SIPA1L1: variants seen among roughly 807,000 people sequenced by gnomAD.
SIPA1L1 encodes the protein signal-induced proliferation-associated 1-like protein 1.
Under a neutral mutation model 162.7 loss-of-function variants are expected in SIPA1L1, and 26 were observed. That is an observed-to-expected ratio of 0.16 (90% confidence interval 0.12 to 0.22). The LOEUF (loss-of-function observed/expected upper bound fraction) is 0.22, where lower values mean the gene tolerates loss of function less well. SIPA1L1 is among the 10% of genes least tolerant of loss of function. SIPA1L1 has a pLI of 1.00. For missense variants in SIPA1L1, 1,874 were observed against 2,241.0 expected (o/e 0.84, Z 3.31); for synonymous variants, 829 against 837.4 (o/e 0.99, Z 0.17).
intron 2 of SIPA1L1, among the ~76,000 whole-genome samples, chr14:71,512,385 G>C (rs1300838968): frequency 6.6e-6 from 1 of 151,964 alleles, no homozygotes; most frequent in South Asian, 2.1e-4. Flanking sequence ...TCAGGAGATC[G>C]AGACCATCCT....
intron 2 of SIPA1L1, among the ~76,000 whole-genome samples, chr14:71,432,833 G>A (rs981367797): frequency 9.2e-5 from 14 of 152,180 alleles, no homozygotes; most frequent in African/African-American, 3.4e-4. Flanking sequence ...ATTCATTTGC[G>A]AACTGCTTTT....
At chr14:71,506,806 A>G (rs927527141) in intron 2 of SIPA1L1, among the ~76,000 whole-genome samples, 1 of 146,414 alleles carries the variant, frequency 6.8e-6, no homozygotes, top group Non-Finnish European at 1.5e-5. Context: ...ACATTTATCT[A>G]TTTTGTAATC....
chr14:71,610,634 T>G (rs1056090001), intron 5 of SIPA1L1, among the ~76,000 whole-genome samples: 1 of 152,192 alleles, frequency 6.6e-6, no homozygotes, highest in African/African-American at 2.4e-5. Context: ...TCATCCTCTC[T>G]TTATTTAAAA....
At chr14:71,385,686 C>CTTTT (rs532140419) in intron 2 of SIPA1L1, among the ~76,000 whole-genome samples, 1 of 112,412 alleles carries the variant, frequency 8.9e-6, no homozygotes, top group Non-Finnish European at 1.8e-5. Flanking sequence ...TTTGTACATT[C>CTTTT]TTTTTTTTTT....
intron 2 of SIPA1L1, among the ~76,000 whole-genome samples, chr14:71,408,557 G>C (rs1393155812): frequency 2.0e-5 from 3 of 152,142 alleles, no homozygotes; most frequent in Non-Finnish European, 1.5e-5. Flanking sequence ...GGGGACTCTC[G>C]CTCGAGGATT....
chr14:71,685,054 C>G (rs970477353), intron 12 of SIPA1L1, among the ~76,000 whole-genome samples: 3 of 152,170 alleles, frequency 2.0e-5, no homozygotes, highest in African/African-American at 7.2e-5. Flanking sequence ...GTCCTGGTGG[C>G]CTTTCCTCCT....
chr14:71,680,751 C>G (rs2045723241), intron 12 of SIPA1L1, among the ~76,000 whole-genome samples: 1 of 152,198 alleles, frequency 6.6e-6, no homozygotes, highest in South Asian at 2.1e-4. Flanking sequence ...GGGGATATCA[C>G]CACCGATCCC....
chr14:71,477,538 G>C (rs560414507), intron 2 of SIPA1L1, among the ~76,000 whole-genome samples: 1 of 152,032 alleles, frequency 6.6e-6, no homozygotes, highest in South Asian at 2.1e-4. Flanking sequence ...ATGGCGTCTC[G>C]CCGTGTTGCC....
chr14:71,378,782 A>G (rs533517020), intron 2 of SIPA1L1, among the ~76,000 whole-genome samples: 1 of 151,664 alleles, frequency 6.6e-6, no homozygotes, highest in Admixed American at 6.6e-5. Context: ...TTGTTGCTTC[A>G]TTTATTTTGA....
intron 7 of SIPA1L1, among the ~76,000 whole-genome samples, chr14:71,635,432 CAT>C (rs2041037752): frequency 6.6e-6 from 1 of 152,128 alleles, no homozygotes; most frequent in Admixed American, 6.5e-5. Context: ...GCTTTTCAAA[CAT>C]ATGTACAAGA....
intron 2 of SIPA1L1, among the ~76,000 whole-genome samples, chr14:71,345,333 TTTCCTATA>T (rs778634794): frequency 5.9e-4 from 90 of 152,296 alleles, no homozygotes; most frequent in Non-Finnish European, 1.1e-3. Context: ...TTGTTGACGC[TTTCCTATA>T]TGCAGTGCAC....
chr14:71,497,172 AAAAC>A (rs1324411789), intron 2 of SIPA1L1, among the ~76,000 whole-genome samples: 1 of 149,368 alleles, frequency 6.7e-6, no homozygotes, highest in Non-Finnish European at 1.5e-5. Flanking sequence ...TCCATCTCAA[AAAAC>A]AAACAAACAA....
chr14:71,372,187 C>T (rs2038952435), intron 2 of SIPA1L1, among the ~76,000 whole-genome samples: 1 of 152,126 alleles, frequency 6.6e-6, no homozygotes, highest in African/African-American at 2.4e-5. Context: ...GGCTCACCTT[C>T]CTGTGTAGAC....
intron 2 of SIPA1L1, among the ~76,000 whole-genome samples, chr14:71,358,824 AAG>A (rs1279261647): frequency 6.6e-6 from 1 of 152,182 alleles, no homozygotes; most frequent in South Asian, 2.1e-4. Context: ...GAGCAGGAGG[AAG>A]AGAGAGAGTG....
intron 4 of SIPA1L1, among the ~76,000 whole-genome samples, chr14:71,566,177 T>C (rs985288640): frequency 6.6e-6 from 1 of 152,316 alleles, no homozygotes; most frequent in South Asian, 2.1e-4. Flanking sequence ...TTAGAAAATA[T>C]GATCACATGA....
intron 2 of SIPA1L1, among the ~76,000 whole-genome samples, chr14:71,447,654 T>A (rs767931646): frequency 1.6e-4 from 24 of 151,494 alleles, no homozygotes; most frequent in Admixed American, 3.9e-4. Context: ...GCCTCTGTCT[T>A]CTGTGCTTAA....
At chr14:71,363,312 C>T (rs1307547695) in intron 2 of SIPA1L1, among the ~76,000 whole-genome samples, 1 of 152,114 alleles carries the variant, frequency 6.6e-6, no homozygotes, top group African/African-American at 2.4e-5. Context: ...TTGGAATTTA[C>T]AGAGCTTGTA....
chr14:71,594,836 G>C (rs2147824278), intron 5 of SIPA1L1, among the ~76,000 whole-genome samples: 1 of 152,272 alleles, frequency 6.6e-6, no homozygotes, highest in Non-Finnish European at 1.5e-5. Flanking sequence ...AGGGAGATTT[G>C]AGGCACTAAA....
chr14:71,702,552 C>T (rs1351066271), intron 15 of SIPA1L1, 47 bp downstream of exon 15: 3 of 1,564,028 alleles, frequency 1.9e-6, no homozygotes, highest in Admixed American at 1.7e-5. Flanking sequence ...TACAAGGTGA[C>T]TTAGGTCACC....
Sources: allele counts gnomAD v4.1 joint callset (sites outside exome capture counted in the v4.1 genomes callset), GRCh38; gene constraint gnomAD v4.1.1; transcripts MANE v1.5; gene names NCBI Gene and HGNC (gene_info 2026-07-23, HGNC 2026-07-21).